Variants in SYNPR observed in about 807,000 individuals in gnomAD.
SYNPR encodes synaptoporin.
A neutral mutation model predicts 32.9 loss-of-function variants in SYNPR; 23 were observed. That is an observed-to-expected ratio of 0.70 (90% CI 0.50 to 0.99). The LOEUF is 0.99. Ranked by LOEUF, SYNPR falls within the 50% of genes least tolerant of loss-of-function variation. SYNPR has a pLI of 0.00. For synonymous variants in SYNPR, 146 were observed against 135.9 expected (o/e 1.07, Z -0.52); for missense variants, 318 against 349.3 (o/e 0.91, Z 0.71).
chr3:63,317,710 A>T (rs1024964779), intron 2 of SYNPR, among the ~76,000 whole-genome samples: 1 of 152,024 alleles, frequency 6.6e-6, no homozygotes, highest in Non-Finnish European at 1.5e-5. Context: ...TAACTAGAGC[A>T]TTTAGGCCAT....
intron 4 of SYNPR, among the ~76,000 whole-genome samples, chr3:63,563,169 T>C (rs769880500): frequency 3.3e-5 from 5 of 152,178 alleles, no homozygotes; most frequent in Non-Finnish European, 5.9e-5. Flanking sequence ...CCCATGCACC[T>C]TCTTATCCCC....
intron 2 of SYNPR, among the ~76,000 whole-genome samples, chr3:63,403,078 A>T (rs979862738): frequency 6.6e-6 from 1 of 152,318 alleles, no homozygotes; most frequent in Non-Finnish European, 1.5e-5. Flanking sequence ...TCAATAGTTT[A>T]CTTCTTCCCG....
At chr3:63,330,517 C>T (rs1280111660) in intron 2 of SYNPR, among the ~76,000 whole-genome samples, 1 of 151,908 alleles carries the variant, frequency 6.6e-6, no homozygotes, top group Non-Finnish European at 1.5e-5. Flanking sequence ...GTGATTCTTC[C>T]TGCTTGAGAC....
At chr3:63,382,918 G>T (rs2087990486) in intron 2 of SYNPR, among the ~76,000 whole-genome samples, 1 of 152,140 alleles carries the variant, frequency 6.6e-6, no homozygotes, top group Admixed American at 6.5e-5. Flanking sequence ...TTGGATGGTT[G>T]TATTCTTTTG....
intron 2 of SYNPR, among the ~76,000 whole-genome samples, chr3:63,464,680 C>T (rs962986536): frequency 4.6e-5 from 7 of 152,166 alleles, no homozygotes; most frequent in African/African-American, 1.4e-4. Context: ...CAAGGCACTT[C>T]CCACTTACAT....
intron 2 of SYNPR, among the ~76,000 whole-genome samples, chr3:63,455,756 GGTGTGTGTGTGTGTGTGT>G (rs370244005): frequency 6.9e-6 from 1 of 144,282 alleles, no homozygotes; most frequent in Non-Finnish European, 1.5e-5. Flanking sequence ...TCATGTTTGG[GGTGTGTGTGTGTGTGTGT>G]GTGTGTGTGT....
At chr3:63,419,488 T>C (rs762772512) in intron 2 of SYNPR, among the ~76,000 whole-genome samples, 12 of 152,224 alleles carry the variant, frequency 7.9e-5, no homozygotes, top group Non-Finnish European at 1.6e-4. Context: ...ACAGCCCTCA[T>C]GTCCTATCAG....
chr3:63,493,814 T>TAAAAA (rs1195786110), intron 3 of SYNPR, among the ~76,000 whole-genome samples: 2 of 28,314 alleles, frequency 7.1e-5, no homozygotes, highest in African/African-American at 1.4e-4. Flanking sequence ...AGACTCTGTC[T>TAAAAA]CAAAAAAAAA....
At chr3:63,292,361 A>G (rs1291859007) in intron 2 of SYNPR, among the ~76,000 whole-genome samples, 1 of 152,220 alleles carries the variant, frequency 6.6e-6, no homozygotes, top group East Asian at 1.9e-4. Flanking sequence ...TTGTGTTGGG[A>G]ACATTCAAAA....
chr3:63,311,310 A>C (rs2086961365), intron 2 of SYNPR, among the ~76,000 whole-genome samples: 1 of 152,016 alleles, frequency 6.6e-6, no homozygotes, highest in African/African-American at 2.4e-5. Flanking sequence ...TAACCAGATC[A>C]ACTTCTCCAT....
intron 2 of SYNPR, among the ~76,000 whole-genome samples, chr3:63,335,161 T>C (rs11720556): frequency 0.17 from 25,532 of 152,078 alleles, 2,343 homozygotes; most frequent in African/African-American, 0.25. Context: ...GAGACCATCC[T>C]GGCTAACACG....
chr3:63,430,902 C>G lies in SYNPR; in HGVS notation c.85-49930C>G, dbSNP rs576878683. ...GTGTTCCATGAGTATCAGCTTCTTT[C>G]CTCTTTTCCTCTTCACAGAGTGGGT... On this transcript the variant is annotated intron_variant, in intron 2 of 5. Transcript: ENST00000478300. Among the ~76,000 whole-genome samples the G allele has an allele frequency of 2.0e-5, 3 of 152,236 alleles. No individual in the cohort carries two copies. In the East Asian group the frequency reaches 5.8e-4, roughly 29 times the overall value.
intron 2 of SYNPR, among the ~76,000 whole-genome samples, chr3:63,393,496 C>G (rs1379452804): frequency 1.2e-5 from 1 of 84,504 alleles, no homozygotes; most frequent in Admixed American, 1.4e-4. Flanking sequence ...TCTTTCTTCT[C>G]TTTTTTTTTT....
At chr3:63,397,131 A>T (rs959762398) in intron 2 of SYNPR, among the ~76,000 whole-genome samples, 1 of 151,272 alleles carries the variant, frequency 6.6e-6, no homozygotes, top group East Asian at 1.9e-4. Context: ...AAAAATTCAC[A>T]TTAAAAATAT....
chr3:63,226,786 T>C (rs1174658041), upstream of SYNPR, among the ~76,000 whole-genome samples: 1 of 152,050 alleles, frequency 6.6e-6, no homozygotes, highest in African/African-American at 2.4e-5. Flanking sequence ...AGCTCTAAAG[T>C]TCAATAGCAG....
At chr3:63,334,876 C>T (rs1392258157) in intron 2 of SYNPR, among the ~76,000 whole-genome samples, 1 of 152,092 alleles carries the variant, frequency 6.6e-6, no homozygotes, top group Non-Finnish European at 1.5e-5. Context: ...CTAATAGTTC[C>T]ACTAGCAGAT....
At chr3:63,317,002 C>T (rs1268422920) in intron 2 of SYNPR, among the ~76,000 whole-genome samples, 5 of 151,954 alleles carry the variant, frequency 3.3e-5, no homozygotes, top group Admixed American at 3.3e-4. Flanking sequence ...AGTGCTCATT[C>T]AGGAGCAGGT....
chr3:63,495,036 C>G (rs1701346087), intron 3 of SYNPR, among the ~76,000 whole-genome samples: 1 of 152,092 alleles, frequency 6.6e-6, no homozygotes, highest in Non-Finnish European at 1.5e-5. Flanking sequence ...TTTCCTGAGT[C>G]CAGGAATAAA....
chr3:63,305,897 C>T (rs551483662), intron 2 of SYNPR, among the ~76,000 whole-genome samples: 1 of 152,064 alleles, frequency 6.6e-6, no homozygotes, highest in South Asian at 2.1e-4. Flanking sequence ...GGAAAAATGG[C>T]TAAAGATGTT....
Sources: allele counts gnomAD v4.1 joint callset (sites outside exome capture counted in the v4.1 genomes callset), GRCh38; gene constraint gnomAD v4.1.1; transcripts MANE v1.5; gene names NCBI Gene and HGNC (gene_info 2026-07-23, HGNC 2026-07-21).